Variants in MAGI1 observed in about 807,000 individuals in gnomAD.
The protein encoded by MAGI1 is membrane-associated guanylate kinase, WW and PDZ domain-containing protein 1.
A neutral mutation model predicts 139.9 loss-of-function variants in MAGI1; 58 were observed. The ratio of observed to expected loss-of-function variants is 0.41; its 90% CI spans 0.34 to 0.52. MAGI1 has a LOEUF of 0.52. Among genes scored for constraint, MAGI1 ranks in the 20% least tolerant of loss-of-function variants. The pLI, the probability that MAGI1 is intolerant of heterozygous loss-of-function variation, is 0.12. For missense variants in MAGI1, 1,874 were observed against 1,901.6 expected (o/e 0.99, Z 0.27); for synonymous variants, 812 against 737.9 (o/e 1.10, Z -1.63).
chr3:65,924,348 G>A (rs1396290851), intron 1 of MAGI1, among the ~76,000 whole-genome samples: 1 of 152,192 alleles, frequency 6.6e-6, no homozygotes, highest in Non-Finnish European at 1.5e-5. Flanking sequence ...GTCTACAGCA[G>A]TGGGATTGCA....
intron 1 of MAGI1, among the ~76,000 whole-genome samples, chr3:65,978,159 T>C (rs534707526): frequency 3.1e-4 from 47 of 152,354 alleles, no homozygotes; most frequent in African/African-American, 1.1e-3. Context: ...AAATTTACTA[T>C]GTGACAGGCT....
chr3:65,977,670 C>T (rs915419399), intron 1 of MAGI1, among the ~76,000 whole-genome samples: 1 of 152,014 alleles, frequency 6.6e-6, no homozygotes, highest in Admixed American at 6.5e-5. Context: ...GAGATCACAC[C>T]ACTGCACTCC....
At chr3:65,963,353 C>T (rs1163902476) in intron 1 of MAGI1, among the ~76,000 whole-genome samples, 2 of 145,164 alleles carry the variant, frequency 1.4e-5, no homozygotes, top group African/African-American at 2.6e-5. Context: ...TGTGGTGGCT[C>T]ACGCCTGTAA....
At chr3:65,532,200 T>C (rs758093614) in intron 2 of MAGI1, among the ~76,000 whole-genome samples, 1 of 152,308 alleles carries the variant, frequency 6.6e-6, no homozygotes, top group African/African-American at 2.4e-5. Context: ...TCATTTCCTA[T>C]TGGGAGCAAT....
At chr3:65,687,802 G>T (rs906302545) in intron 1 of MAGI1, 1 of 584,454 alleles carries the variant, frequency 1.7e-6, no homozygotes, top group Non-Finnish European at 3.4e-6. Flanking sequence ...TTGGAAATCA[G>T]TTCTTCTGAT....
At chr3:65,969,757 C>T (rs2064935509) in intron 1 of MAGI1, among the ~76,000 whole-genome samples, 1 of 152,184 alleles carries the variant, frequency 6.6e-6, no homozygotes, top group Admixed American at 6.5e-5. Context: ...CAGCCACTAG[C>T]CATATGGGGC....
intron 1 of MAGI1, among the ~76,000 whole-genome samples, chr3:65,817,761 G>T (rs565472749): frequency 6.6e-6 from 1 of 152,254 alleles, no homozygotes; most frequent in African/African-American, 2.4e-5. Context: ...AACAACTACT[G>T]CTGTGGCCTC....
chr3:65,841,491 G>A (rs55748339), intron 1 of MAGI1, among the ~76,000 whole-genome samples: 70,998 of 150,584 alleles, frequency 0.47, 18,213 homozygotes, highest in East Asian at 0.77. Context: ...ACAGTGGTGC[G>A]ATCTTAGCTC....
At chr3:65,891,119 G>GGGAGGATAGCTTGAGCTCAGGAGGC (rs1402916876) in intron 1 of MAGI1, among the ~76,000 whole-genome samples, 54 of 151,848 alleles carry the variant, frequency 3.6e-4, no homozygotes, top group Non-Finnish European at 6.8e-4. Flanking sequence ...AGGCTGAGGT[G>GGGAGGATAGCTTGAGCTCAGGAGGC]GGAGGATAGC....
At chr3:65,917,127 A>G (rs2108708988) in intron 1 of MAGI1, among the ~76,000 whole-genome samples, 1 of 152,358 alleles carries the variant, frequency 6.6e-6, no homozygotes, top group East Asian at 1.9e-4. Context: ...AGAAAGATAC[A>G]TATTATACCA....
At chr3:65,581,931 A>T (rs2081443976) in intron 2 of MAGI1, among the ~76,000 whole-genome samples, 1 of 152,186 alleles carries the variant, frequency 6.6e-6, no homozygotes, top group Non-Finnish European at 1.5e-5. Flanking sequence ...AGTGCCAGGA[A>T]CATAGTAGAT....
intron 1 of MAGI1, among the ~76,000 whole-genome samples, chr3:65,651,508 G>A (rs778832420): frequency 6.6e-6 from 1 of 152,102 alleles, no homozygotes; most frequent in Non-Finnish European, 1.5e-5. Context: ...TGTGCACATG[G>A]AGACCTTTCC....
At chr3:65,539,841 A>G (rs2079130054) in intron 2 of MAGI1, among the ~76,000 whole-genome samples, 1 of 152,176 alleles carries the variant, frequency 6.6e-6, no homozygotes, top group Non-Finnish European at 1.5e-5. Context: ...CCACAAGTGC[A>G]TTTTCCTTCT....
intron 2 of MAGI1, among the ~76,000 whole-genome samples, chr3:65,546,195 T>C (rs1273031417): frequency 6.6e-6 from 1 of 152,190 alleles, no homozygotes; most frequent in African/African-American, 2.4e-5. Context: ...TGAACAATAT[T>C]CACTCCTTCA....
intron 1 of MAGI1, among the ~76,000 whole-genome samples, chr3:65,906,246 C>T (rs779656076): frequency 1.3e-5 from 2 of 152,088 alleles, no homozygotes; most frequent in Non-Finnish European, 2.9e-5. Flanking sequence ...GGATGGGAGA[C>T]ATCAATGTGG....
At chr3:65,611,098 TATATA>T (rs1559718919) in intron 2 of MAGI1, among the ~76,000 whole-genome samples, 1 of 136,096 alleles carries the variant, frequency 7.3e-6, no homozygotes, top group Admixed American at 7.6e-5. Context: ...ACATATATAA[TATATA>T]GTATATTATA....
chr3:65,465,774 A>T (rs1409942155), intron 5 of MAGI1, among the ~76,000 whole-genome samples: 1 of 152,130 alleles, frequency 6.6e-6, no homozygotes, highest in African/African-American at 2.4e-5. Context: ...AAATTCAGAA[A>T]ATTTTCAACC....
intron 1 of MAGI1, among the ~76,000 whole-genome samples, chr3:65,707,320 T>C (rs542617328): frequency 1.3e-5 from 2 of 152,140 alleles, no homozygotes; most frequent in Non-Finnish European, 2.9e-5. Context: ...AACCATGCAA[T>C]TGAGATGGCA....
intron 1 of MAGI1, among the ~76,000 whole-genome samples, chr3:66,019,434 A>G (rs1419373794): frequency 6.6e-6 from 1 of 152,226 alleles, no homozygotes. Context: ...GAAAGGCAAC[A>G]TTACCTCAGT....
Sources: allele counts gnomAD v4.1 joint callset (sites outside exome capture counted in the v4.1 genomes callset), GRCh38; gene constraint gnomAD v4.1.1; transcripts MANE v1.5; gene names NCBI Gene and HGNC (gene_info 2026-07-23, HGNC 2026-07-21).